AP3S1: variants seen among roughly 807,000 people sequenced by gnomAD.
AP3S1 encodes AP-3 complex subunit sigma-1.
Under a neutral mutation model 21.3 loss-of-function variants are expected in AP3S1, and 12 were observed. That is an observed-to-expected ratio of 0.56 (90% CI 0.36 to 0.91). The LOEUF (loss-of-function observed/expected upper bound fraction) is 0.91, where lower values mean the gene tolerates loss of function less well. AP3S1 is among the 40% of genes least tolerant of loss of function. AP3S1 has a pLI of 0.01. For missense variants in AP3S1, 116 were observed against 225.0 expected, an observed-to-expected ratio of 0.52 and a Z score of 3.10; for synonymous variants, 48 against 78.4, an observed-to-expected ratio of 0.61 and a Z score of 2.05.
intron 4 of AP3S1, among the ~76,000 whole-genome samples, chr5:115,901,393 T>A (rs1202868231): frequency 3.9e-5 from 2 of 51,014 alleles, no homozygotes; most frequent in Non-Finnish European, 7.5e-5. Context: ...GCCTATATTC[T>A]TTTTTTTTTT....
intron 1 of AP3S1, among the ~76,000 whole-genome samples, chr5:115,843,581 T>G (rs1761821295): frequency 6.6e-6 from 1 of 152,238 alleles, no homozygotes; most frequent in Non-Finnish European, 1.5e-5. Flanking sequence ...TAAAATATAG[T>G]ACCAGCCTTT....
intron 5 of AP3S1, among the ~76,000 whole-genome samples, chr5:115,908,172 C>T (rs543502023): frequency 3.1e-4 from 47 of 151,990 alleles, no homozygotes; most frequent in Non-Finnish European, 5.4e-4. Context: ...GTTTTTGGTC[C>T]CTCTATCCAT....
At chr5:115,900,460 A>C (rs1751114451) in intron 4 of AP3S1, among the ~76,000 whole-genome samples, 2 of 152,322 alleles carry the variant, frequency 1.3e-5, no homozygotes, top group East Asian at 3.9e-4. Context: ...GTTGTGGTCC[A>C]GCTAGATGTT....
intron 1 of AP3S1, 51 bp from the exon 2 acceptor site, chr5:115,866,619 C>A: frequency 8.1e-7 from 1 of 1,229,676 alleles, no homozygotes; most frequent in Non-Finnish European, 1.1e-6. Flanking sequence ...TCTTAAAATG[C>A]TATTAAACCT....
intron 1 of AP3S1, among the ~76,000 whole-genome samples, chr5:115,843,079 T>TTA (rs1761758872): frequency 6.6e-6 from 1 of 152,194 alleles, no homozygotes; most frequent in Non-Finnish European, 1.5e-5. Context: ...AGGAAGGGTT[T>TTA]TATAGAGTTA....
At chr5:115,873,744 C>A (rs779557380) in intron 3 of AP3S1, among the ~76,000 whole-genome samples, 6 of 152,068 alleles carry the variant, frequency 3.9e-5, no homozygotes, top group Non-Finnish European at 8.8e-5. Context: ...TTAATTTGTT[C>A]ATCCTCTAGT....
rs574974955 is a variant in AP3S1, at chr5:115,856,409, A to C, written c.70-10261A>C. Reference sequence around the variant, plus strand: ...GTATACATTATAAAAGGATCCAATCAAGCTAGTTAATACATCCAGCATCTT... The same window carrying C: ...GTATACATTATAAAAGGATCCAATCCAGCTAGTTAATACATCCAGCATCTT... On this transcript the variant is annotated intron_variant, in intron 1 of 5. Coordinates refer to ENST00000316788, the MANE Select transcript of AP3S1 (RefSeq NM_001284.4). Among the ~76,000 whole-genome samples, 7 of 150,588 alleles carry C rather than the reference A, an allele frequency of 4.6e-5. No homozygotes were observed. In the South Asian group the frequency reaches 1.0e-3, roughly 23 times the overall value.
chr5:115,866,230 G>A (rs1763605331), intron 1 of AP3S1, among the ~76,000 whole-genome samples: 1 of 152,210 alleles, frequency 6.6e-6, no homozygotes, highest in African/African-American at 2.4e-5. Flanking sequence ...TCTATATTTA[G>A]TAAAGGTTAA....
chr5:115,885,726 C>A (rs1749723762), intron 3 of AP3S1, among the ~76,000 whole-genome samples: 1 of 152,174 alleles, frequency 6.6e-6, no homozygotes. Context: ...CTCAAGTTAA[C>A]AGCTAATATT....
At chr5:115,874,122 A>C (rs2112850911) in intron 3 of AP3S1, among the ~76,000 whole-genome samples, 1 of 152,274 alleles carries the variant, frequency 6.6e-6, no homozygotes, top group Non-Finnish European at 1.5e-5. Flanking sequence ...AATTTACACC[A>C]GCTACCCAAA....
At chr5:115,868,035 G>A (rs939954005) in intron 2 of AP3S1, among the ~76,000 whole-genome samples, 1 of 152,098 alleles carries the variant, frequency 6.6e-6, no homozygotes, top group African/African-American at 2.4e-5. Context: ...TCAGGCCTCA[G>A]TTTTCTCCTC....
intron 3 of AP3S1, among the ~76,000 whole-genome samples, chr5:115,885,937 G>A (rs894349605): frequency 1.3e-5 from 2 of 152,164 alleles, no homozygotes; most frequent in African/African-American, 4.8e-5. Flanking sequence ...GGTGCTGTAA[G>A]TATGGACAGT....
intron 1 of AP3S1, among the ~76,000 whole-genome samples, chr5:115,863,605 T>G (rs1241918802): frequency 6.6e-6 from 1 of 152,018 alleles, no homozygotes; most frequent in African/African-American, 2.4e-5. Context: ...TTCATGAATC[T>G]GTAGCTATAG....
At chr5:115,864,932 A>G (rs1763496976) in intron 1 of AP3S1, among the ~76,000 whole-genome samples, 1 of 152,228 alleles carries the variant, frequency 6.6e-6, no homozygotes, top group Non-Finnish European at 1.5e-5. Context: ...ACTTCTTTTA[A>G]TGACATGGAC....
intron 1 of AP3S1, among the ~76,000 whole-genome samples, chr5:115,848,010 T>C (rs1762181668): frequency 6.6e-6 from 1 of 152,220 alleles, no homozygotes; most frequent in Non-Finnish European, 1.5e-5. Context: ...CTTTTGAATA[T>C]TTAATTGTAA....
At chr5:115,844,146 C>T (rs573116683) in intron 1 of AP3S1, among the ~76,000 whole-genome samples, 3 of 152,172 alleles carry the variant, frequency 2.0e-5, no homozygotes, top group Non-Finnish European at 4.4e-5. Context: ...TTTGCTTCCT[C>T]CACTAGACCA....
chr5:115,905,881 G>A (rs928436516), intron 5 of AP3S1, among the ~76,000 whole-genome samples: 3 of 152,138 alleles, frequency 2.0e-5, no homozygotes, highest in East Asian at 3.8e-4. Flanking sequence ...TTGGCTGGGC[G>A]CAGTGGCTCA....
chr5:115,896,799 G>A (rs1264695734), intron 4 of AP3S1, among the ~76,000 whole-genome samples: 1 of 152,092 alleles, frequency 6.6e-6, no homozygotes. Context: ...AAAAATTTAT[G>A]TTTTGGTACA....
rs1749749082 is a variant in AP3S1, at chr5:115,886,011, A to G, written c.274-9076A>G. Among the ~76,000 whole-genome samples the G allele has an allele frequency of 2.6e-5, 4 of 152,154 alleles. No individual in the cohort carries two copies. The South Asian group carries it at 6.2e-4, about 24-fold the overall frequency. The stretch of plus-strand genomic sequence containing the variant: ...TTTCTAAATGATCACTTCTTACTAC[A>G]TTAGAAATAATATATTATTTGTTGT... On this transcript the variant is annotated intron_variant, in intron 3 of 5. Transcript: ENST00000316788.
Sources: allele counts gnomAD v4.1 joint callset (sites outside exome capture counted in the v4.1 genomes callset), GRCh38; gene constraint gnomAD v4.1.1; transcripts MANE v1.5; gene names NCBI Gene and HGNC (gene_info 2026-07-23, HGNC 2026-07-21).